LRGUK: variants seen among roughly 807,000 people sequenced by gnomAD.
LRGUK encodes the protein leucine rich repeats and guanylate kinase domain containing.
Under a neutral mutation model 76.0 loss-of-function variants are expected in LRGUK, and 65 were observed. The observed-to-expected ratio is 0.85, with a 90% CI of 0.70 to 1.05. LRGUK has a LOEUF of 1.05. LRGUK is among the 50% of genes least tolerant of loss of function. LRGUK has a pLI of 0.00. For synonymous variants in LRGUK, 268 were observed against 265.6 expected, an observed-to-expected ratio of 1.01 and a Z score of -0.09; for missense variants, 758 against 732.8, an observed-to-expected ratio of 1.03 and a Z score of -0.40.
intron 16 of LRGUK, among the ~76,000 whole-genome samples, chr7:134,243,701 CT>C (rs1415178131): frequency 1.3e-5 from 2 of 152,176 alleles, no homozygotes; most frequent in Non-Finnish European, 2.9e-5. Context: ...GAAAAAACTA[CT>C]TTAAAGTTCA....
chr7:134,215,470 G>T lies in LRGUK; in HGVS notation c.1844-6309G>T, dbSNP rs575510457. Among the ~76,000 whole-genome samples, 6 of 152,172 alleles carry T rather than the reference G, an allele frequency of 3.9e-5. No individual in the cohort carries two copies. In the East Asian group the frequency reaches 1.2e-3, roughly 29 times the overall value. On this transcript the variant is annotated intron_variant, in intron 15 of 19. Transcript: ENST00000285928. ...GGTTGCCTTCAAGTGAGGTTGGATG[G>T]GTTGACATCATTTATGCTGAATTCT...
intron 15 of LRGUK, among the ~76,000 whole-genome samples, chr7:134,206,284 A>G (rs1169088278): frequency 2.0e-5 from 3 of 152,176 alleles, no homozygotes; most frequent in African/African-American, 7.2e-5. Flanking sequence ...TGGAAGCCCG[A>G]GGAGGGCAGA....
intron 8 of LRGUK, among the ~76,000 whole-genome samples, chr7:134,176,366 C>T (rs1289716573): frequency 1.3e-5 from 2 of 152,114 alleles, no homozygotes; most frequent in Non-Finnish European, 2.9e-5. Flanking sequence ...GCACATGTAT[C>T]CCAGAACTTA....
chr7:134,195,833 A>C (rs1800456196), intron 12 of LRGUK, among the ~76,000 whole-genome samples: 2 of 152,126 alleles, frequency 1.3e-5, no homozygotes, highest in African/African-American at 2.4e-5. Flanking sequence ...TGAGTTTTTA[A>C]CTTTTGGAAT....
chr7:134,237,440 A>G (rs1414689734), intron 16 of LRGUK, among the ~76,000 whole-genome samples: 1 of 152,126 alleles, frequency 6.6e-6, no homozygotes, highest in Non-Finnish European at 1.5e-5. Flanking sequence ...GGTCATTATG[A>G]TCTTCATTTA....
At chr7:134,246,363 G>A (rs190947183) in intron 16 of LRGUK, among the ~76,000 whole-genome samples, 147 of 152,334 alleles carry the variant, frequency 9.6e-4, no homozygotes, top group Non-Finnish European at 1.4e-3. Context: ...TTCCAGAGAT[G>A]TTAGGTGTGT....
chr7:134,173,986 GTAATCTC>G (rs1563161197), intron 7 of LRGUK, among the ~76,000 whole-genome samples: 1 of 151,970 alleles, frequency 6.6e-6, no homozygotes, highest in Non-Finnish European at 1.5e-5. Context: ...GTGTGTGCCT[GTAATCTC>G]AGCTACTCAG....
At position 134,207,730 on chromosome 7, in the gene LRGUK, C is replaced by T. The variant is rs539633910; in HGVS notation, c.1844-977C>T. Among the ~76,000 whole-genome samples the T allele has an allele frequency of 4.6e-5, 7 of 152,284 alleles. No homozygotes were observed. In the South Asian group the frequency reaches 1.2e-3, roughly 27 times the overall value. On this transcript the variant is annotated intron_variant, in intron 15 of 15. Transcript: ENST00000645682. ...AGAGGTCTGATTTGGGTTGGAGTCG[C>T]TGAGTATCAGATCTCCCCCAAAGTG... is the stretch of plus-strand genomic sequence containing the variant.
At chr7:134,269,570 A>G (rs1802924935), downstream of LRGUK, among the ~76,000 whole-genome samples, 1 of 151,720 alleles carries the variant, frequency 6.6e-6, no homozygotes, top group South Asian at 2.1e-4. Context: ...GGTTGGTCTT[A>G]AACTCCTGGC....
chr7:134,263,623 CTT>C (rs59840547), intron 19 of LRGUK, among the ~76,000 whole-genome samples: 63 of 113,982 alleles, frequency 5.5e-4, no homozygotes, highest in Middle Eastern at 4.7e-3. Context: ...TCATTTCTTT[CTT>C]TTTTTTTTTT....
At chr7:134,130,694 T>C (rs952308119) in intron 1 of LRGUK, among the ~76,000 whole-genome samples, 7 of 152,246 alleles carry the variant, frequency 4.6e-5, no homozygotes, top group African/African-American at 1.7e-4. Context: ...TGCAATGCTA[T>C]CATGGTCACA....
rs1797289400 is a variant in LRGUK at position 134,131,181 on chromosome 7, T to C, written c.297+3517T>C. 7.2e-5 allele frequency among the ~76,000 whole-genome samples: 11 copies of C among 152,210 alleles called. 1 individual carries two copies. The South Asian group carries it at 2.3e-3, about 32-fold the overall frequency. ...CTTTTCAGTCCCTTTATATGGGTAA[T>C]AATACCTACTCCTGTGATAGTTATG... On this transcript the variant is annotated intron_variant, in intron 1 of 15. Transcript: ENST00000645682.
intron 1 of LRGUK, 90 bp downstream of exon 1, chr7:134,127,754 C>G (rs1179972470): frequency 7.0e-7 from 1 of 1,419,950 alleles, no homozygotes; most frequent in Non-Finnish European, 9.5e-7. Flanking sequence ...CCCACCAGCC[C>G]GAAGCTTCCC....
chr7:134,168,211 TA>T (rs893680972), intron 7 of LRGUK, among the ~76,000 whole-genome samples: 3 of 151,496 alleles, frequency 2.0e-5, no homozygotes, highest in Non-Finnish European at 4.4e-5. Flanking sequence ...ATAATAATAA[TA>T]AAAAAAACTG....
At chr7:134,143,087 T>A in exon 4 of LRGUK, 6 of 1,604,912 alleles carry the variant, frequency 3.7e-6, no homozygotes, top group Non-Finnish European at 5.1e-6. Context: ...GTTGTATGCC[T>A]TATCTCCTAG....
At chr7:134,158,011 C>G in intron 5 of LRGUK, 24 bp from the exon 6 acceptor site, 1 of 1,583,818 alleles carries the variant, frequency 6.3e-7, no homozygotes, top group African/African-American at 1.3e-5. Context: ...TAACATTTTC[C>G]TTAAACGTAG....
intron 16 of LRGUK, among the ~76,000 whole-genome samples, chr7:134,241,522 G>T (rs1236226104): frequency 6.6e-6 from 1 of 152,178 alleles, no homozygotes. Context: ...AAATATATAT[G>T]CAGCCAATAC....
chr7:134,218,138 T>C (rs1801484750), intron 15 of LRGUK, among the ~76,000 whole-genome samples: 1 of 152,106 alleles, frequency 6.6e-6, no homozygotes, highest in South Asian at 2.1e-4. Context: ...ATTTTTATAT[T>C]TTTAGTAGAG....
intron 5 of LRGUK, among the ~76,000 whole-genome samples, chr7:134,156,505 A>T (rs17167517): frequency 6.6e-6 from 1 of 152,156 alleles, no homozygotes; most frequent in East Asian, 1.9e-4. Context: ...ATTTGGAGTT[A>T]TCTTGAAGAA....
Sources: gnomAD v4.1 joint callset for allele counts (sites outside exome capture counted in the v4.1 genomes callset) on GRCh38, gnomAD v4.1.1 for gene constraint, MANE v1.5 for transcripts, NCBI Gene and HGNC (gene_info 2026-07-23, HGNC 2026-07-21) for gene names.